ZNF106: variants seen among roughly 807,000 people sequenced by gnomAD.
The protein encoded by ZNF106 is SH3-domain binding protein 3.
ZNF106 carries 67 observed loss-of-function variants against 195.1 expected under a neutral mutation model. The observed-to-expected ratio is 0.34, with a 90% CI of 0.28 to 0.42. The LOEUF (loss-of-function observed/expected upper bound fraction) is 0.42. ZNF106 is among the 10% of genes least tolerant of loss of function. The probability of loss-of-function intolerance (pLI) is 1.00; values close to 1 mark genes in which losing one functional copy is unlikely to be tolerated. For missense variants in ZNF106, 2,118 were observed against 2,304.5 expected, an observed-to-expected ratio of 0.92 and a Z score of 1.66; for synonymous variants, 784 against 818.6, an observed-to-expected ratio of 0.96 and a Z score of 0.72.
In ZNF106 at chr15:42,414,090, C is replaced by T. The variant is rs28364560; in HGVS notation, c.*3214G>A. ...GAGAGTAACATTCTAAAAGTGGCTT[C>T]AACTACTTTAAAGACATGAGTCAGT... On this transcript the variant is annotated 3_prime_UTR_variant, in exon 22 of 22. Coordinates refer to ENST00000564754, the MANE Select transcript of ZNF106 (RefSeq NM_001366845.3). The T allele has an allele frequency of 7.9e-5, 12 of 152,120 alleles. No individual in the cohort carries two copies. Among genetic ancestry groups the T allele is most frequent in the African/African-American group, 2.7e-4 (11 of 41,410 alleles). 9.4% of individuals were successfully genotyped at this position (152,120 alleles called of 1,614,324 possible).
chr15:42,414,842 G>C lies in ZNF106; in HGVS notation c.*2462C>G, dbSNP rs771299492. 1 of 152,168 alleles carries C rather than the reference G, an allele frequency of 6.6e-6. No homozygotes were observed. The highest frequency in any genetic ancestry group is 1.5e-5 in the Non-Finnish European group (1 of 68,060). 9.4% of individuals were successfully genotyped at this position (152,168 alleles called of 1,614,324 possible). A position where few individuals can be genotyped will look rare whatever the true frequency, so the allele number is the denominator to read the frequency against. ...GTCATCGATCCAGATGCATTTTCCCGGGAAATGACCATTCCCAAACCCACA... is the reference window on the plus strand; with the variant it reads ...GTCATCGATCCAGATGCATTTTCCCCGGAAATGACCATTCCCAAACCCACA... On this transcript the variant is annotated 3_prime_UTR_variant, in exon 22 of 22. Coordinates refer to ENST00000564754, the MANE Select transcript of ZNF106 (RefSeq NM_001366845.3).
intron 15 of ZNF106, chr15:42,425,435 T>A (rs2054818347): frequency 6.2e-6 from 1 of 161,622 alleles, no homozygotes; most frequent in African/African-American, 2.4e-5. Flanking sequence ...GCAATCTATG[T>A]GTCATGCTGT....
chr15:42,469,062 G>A (rs1436301800), intron 2 of ZNF106, among the ~76,000 whole-genome samples: 2 of 151,952 alleles, frequency 1.3e-5, no homozygotes, highest in Non-Finnish European at 2.9e-5. Flanking sequence ...GCGCATGCCT[G>A]TAATCCCAGC....
At position 42,488,139 on chromosome 15, in the gene ZNF106, AT is replaced by A. The variant is rs548355328; in HGVS notation, c.-33+2840del. Among the ~76,000 whole-genome samples, 352 of 152,152 alleles carry A rather than the reference AT, an allele frequency of 2.3e-3. 1 individual carries two copies. The highest frequency in any genetic ancestry group is 2.9e-3 in the Non-Finnish European group (199 of 68,012). On this transcript the variant is annotated intron_variant, in intron 1 of 21. Transcript: ENST00000564754. ...AGTTTTGCTTTTCAGAAATTTGTGA[AT>A]TTTTTTTCCCCAAATATTATCCATC... is the stretch of plus-strand genomic sequence containing the variant.
chr15:42,443,033 A>C (rs1194387937), intron 9 of ZNF106, among the ~76,000 whole-genome samples: 1 of 151,722 alleles, frequency 6.6e-6, no homozygotes, highest in South Asian at 2.1e-4. Context: ...ATTATCAATA[A>C]TTTTTGTATT....
rs1233610016 is a variant in ZNF106 at position 42,424,889 on chromosome 15, T to C, written c.5135A>G (p.Asn1712Ser). The C allele has an allele frequency of 6.2e-7, 1 of 1,614,168 alleles. No individual in the cohort carries two copies. The highest frequency in any genetic ancestry group is 8.5e-7 in the Non-Finnish European group (1 of 1,180,022). The change falls in exon 16 of 22, where the codon AAT becomes AGT. Residue 1712 changes from asparagine (N) to serine (S), a missense_variant. Transcript: ENST00000564754. ...DCTISVRDAR[N>S]GLLLRTLEGH... The stretch of plus-strand genomic sequence containing the variant: ...CTCCAGAGTTCTGAGGAGCAGTCCA[T>C]TCCGGGCATCGCGTACACTAATTGT...
chr15:42,426,189 T>C (rs1020991240), intron 15 of ZNF106, among the ~76,000 whole-genome samples: 6 of 152,176 alleles, frequency 3.9e-5, no homozygotes, highest in African/African-American at 1.4e-4. Context: ...CCAGAAGCAC[T>C]ACATTCTAAG....
intron 1 of ZNF106, among the ~76,000 whole-genome samples, chr15:42,490,679 G>A (rs776100571): frequency 2.0e-5 from 3 of 152,170 alleles, no homozygotes; most frequent in Non-Finnish European, 4.4e-5. Flanking sequence ...TGCCCAACTG[G>A]GGACGAAGGA....
At chr15:42,454,654 T>C (rs1475244667) in intron 4 of ZNF106, among the ~76,000 whole-genome samples, 2 of 151,240 alleles carry the variant, frequency 1.3e-5, no homozygotes, top group East Asian at 1.9e-4. Context: ...GAGGCCAAGG[T>C]GGGTGGATCA....
At chr15:42,475,298 T>A (rs907859532) in intron 1 of ZNF106, among the ~76,000 whole-genome samples, 3 of 151,978 alleles carry the variant, frequency 2.0e-5, no homozygotes, top group African/African-American at 7.3e-5. Flanking sequence ...AAAAATTAGC[T>A]GGGTATGGTG....
intron 14 of ZNF106, among the ~76,000 whole-genome samples, chr15:42,431,705 C>G (rs987232829): frequency 2.6e-5 from 4 of 152,134 alleles, no homozygotes; most frequent in Middle Eastern, 3.2e-3. Flanking sequence ...AACTCCTGAC[C>G]TCAGGTGATA....
chr15:42,436,453 T>C (rs2055277368), intron 13 of ZNF106, among the ~76,000 whole-genome samples: 1 of 152,202 alleles, frequency 6.6e-6, no homozygotes, highest in African/African-American at 2.4e-5. Flanking sequence ...TAAAGGAATC[T>C]ACACACCTGT....
intron 7 of ZNF106, among the ~76,000 whole-genome samples, chr15:42,445,889 G>C (rs2055752473): frequency 6.6e-6 from 1 of 152,224 alleles, no homozygotes; most frequent in Admixed American, 6.5e-5. Flanking sequence ...AGGGAGCAAT[G>C]TTAATAACTT....
Position 42,449,909 on chromosome 15 carries a change from T to C in ZNF106, c.2363A>G (p.Lys788Arg). Residue 788 changes from lysine to arginine, a missense_variant, in exon 5 of 22, where the codon AAG (lysine) becomes AGG (arginine). Physicochemically the swap from Lys to Arg is conservative, Grantham distance 26. Transcript: ENST00000564754. ...RRIRNISGHRKSETEKESGLK... is the reference protein window; with the variant it reads ...RRIRNISGHRRSETEKESGLK... ...CCCAGACTCCTTCTCTGTCTCACTC[T>C]TTCGGTGACCGCTAATATTGCGAAT... The C allele has an allele frequency of 6.2e-7, 1 of 1,614,202 alleles. No homozygotes were observed. The highest frequency in any genetic ancestry group is 1.1e-5 in the South Asian group (1 of 91,084).
At chr15:42,446,739 A>G (rs2055788324) in intron 6 of ZNF106, 81 bp from the exon 7 acceptor site, 2 of 1,211,262 alleles carry the variant, frequency 1.7e-6, no homozygotes, top group Non-Finnish European at 2.3e-6. Flanking sequence ...CAATTCTAAG[A>G]TAGCCATACA....
At chr15:42,459,194 G>A (rs1186209235) in intron 3 of ZNF106, among the ~76,000 whole-genome samples, 2 of 151,956 alleles carry the variant, frequency 1.3e-5, no homozygotes, top group Admixed American at 1.3e-4. Context: ...AATAATCTTC[G>A]GCCAGGCGTG....
chr15:42,454,577 T>A (rs1215625221), intron 4 of ZNF106, among the ~76,000 whole-genome samples: 2 of 150,450 alleles, frequency 1.3e-5, no homozygotes, highest in African/African-American at 4.9e-5. Context: ...AAAAAAAAAA[T>A]ACTCCTGAAG....
Position 42,442,182 on chromosome 15 carries a change from T to C in ZNF106, c.3654A>G (p.Ser1218=), listed in dbSNP as rs767897189. 2 of 1,614,092 alleles carry C rather than the reference T, an allele frequency of 1.2e-6. No homozygotes were observed. The highest frequency in any genetic ancestry group is 1.3e-5 in the African/African-American group (1 of 74,948). Residue 1218 remains serine (S), a synonymous_variant, in exon 10 of 22, where the codon TCA becomes TCG. Transcript: ENST00000564754. ...QTHGSVPAPD[S]SVQIKQEPMS... ...TGGGCTCTTGTTTAATCTGAACTGA[T>C]GAGTCTGGAGCAGGGACACTGCCAT... is the stretch of plus-strand genomic sequence containing the variant.
chr15:42,470,897 A>G (rs2056650432), intron 2 of ZNF106, among the ~76,000 whole-genome samples: 1 of 152,214 alleles, frequency 6.6e-6, no homozygotes, highest in Non-Finnish European at 1.5e-5. Context: ...AGTAGCAGGT[A>G]TATTATTAAA....
Sources: allele counts gnomAD v4.1 joint callset (sites outside exome capture counted in the v4.1 genomes callset), GRCh38; gene constraint gnomAD v4.1.1; transcripts MANE v1.5; gene names NCBI Gene and HGNC (gene_info 2026-07-23, HGNC 2026-07-21).